The following PEX5L variants were observed in gnomAD, a reference collection of about 807,000 sequenced individuals.
PEX5L encodes the protein PEX5-related protein.
Under a neutral mutation model 84.0 loss-of-function variants are expected in PEX5L, and 30 were observed. That is an observed-to-expected ratio of 0.36 (90% CI 0.27 to 0.48). The LOEUF (loss-of-function observed/expected upper bound fraction) is 0.48. Ranked by LOEUF, PEX5L falls within the 20% of genes least tolerant of loss-of-function variation. The pLI is 0.99. For synonymous variants in PEX5L, 270 were observed against 283.1 expected, an observed-to-expected ratio of 0.95 and a Z score of 0.46; for missense variants, 533 against 754.6, an observed-to-expected ratio of 0.71 and a Z score of 3.44.
chr3:179,829,512 G>A (rs1731821536), intron 8 of PEX5L, among the ~76,000 whole-genome samples: 1 of 152,158 alleles, frequency 6.6e-6, no homozygotes, highest in African/African-American at 2.4e-5. Flanking sequence ...ACCTTAAAAT[G>A]GGAGTAACAC....
chr3:179,960,964 A>T (rs898463680), intron 2 of PEX5L, among the ~76,000 whole-genome samples: 2 of 152,214 alleles, frequency 1.3e-5, no homozygotes, highest in Non-Finnish European at 2.9e-5. Context: ...CTACAACAAA[A>T]TTAGTTAATT....
At chr3:179,847,173 T>C (rs1270109362) in intron 8 of PEX5L, among the ~76,000 whole-genome samples, 1 of 151,710 alleles carries the variant, frequency 6.6e-6, no homozygotes, top group Non-Finnish European at 1.5e-5. Flanking sequence ...ATTGGTGATA[T>C]AGTGTGATAT....
chr3:179,862,681 A>C (rs960867494), intron 7 of PEX5L, among the ~76,000 whole-genome samples: 34 of 152,358 alleles, frequency 2.2e-4, no homozygotes, highest in African/African-American at 7.9e-4. Flanking sequence ...TTTCTGAGAA[A>C]CTGAAGAAAA....
At chr3:180,035,152 C>G (rs1791788337) in intron 1 of PEX5L, among the ~76,000 whole-genome samples, 1 of 151,986 alleles carries the variant, frequency 6.6e-6, no homozygotes, top group Admixed American at 6.6e-5. Context: ...CTGTTTTACC[C>G]TTGTGAAGAA....
chr3:179,941,642 T>C (rs1168531391), intron 2 of PEX5L, among the ~76,000 whole-genome samples: 2 of 152,134 alleles, frequency 1.3e-5, no homozygotes, highest in African/African-American at 4.8e-5. Context: ...CCCACAACAT[T>C]GATTAACCTG....
At chr3:179,818,816 T>C (rs955037055) in intron 9 of PEX5L, among the ~76,000 whole-genome samples, 1 of 151,930 alleles carries the variant, frequency 6.6e-6, no homozygotes, top group South Asian at 2.1e-4. Context: ...TGGTACTCCA[T>C]TGTATATATG....
At chr3:179,884,336 G>A (rs1434360869) in intron 4 of PEX5L, among the ~76,000 whole-genome samples, 2 of 152,184 alleles carry the variant, frequency 1.3e-5, no homozygotes, top group Non-Finnish European at 2.9e-5. Context: ...CTTATAAAGT[G>A]CAGTTAGGGG....
At chr3:179,939,994 A>G (rs1775625056) in intron 2 of PEX5L, among the ~76,000 whole-genome samples, 1 of 152,248 alleles carries the variant, frequency 6.6e-6, no homozygotes, top group Non-Finnish European at 1.5e-5. Flanking sequence ...AGCACATCCT[A>G]GAAATGCTGA....
At chr3:179,833,206 G>A (rs887062703) in intron 8 of PEX5L, among the ~76,000 whole-genome samples, 2 of 152,152 alleles carry the variant, frequency 1.3e-5, no homozygotes, top group African/African-American at 4.8e-5. Flanking sequence ...GAATCTAAGA[G>A]GTTTTCTGAG....
At chr3:179,908,849 T>A (rs1188462258) in intron 2 of PEX5L, among the ~76,000 whole-genome samples, 1 of 152,230 alleles carries the variant, frequency 6.6e-6, no homozygotes, top group African/African-American at 2.4e-5. Flanking sequence ...GTGCCACATT[T>A]TCTTTATCCA....
chr3:180,017,661 C>A (rs1213471111), intron 1 of PEX5L, among the ~76,000 whole-genome samples: 1 of 151,784 alleles, frequency 6.6e-6, no homozygotes, highest in Admixed American at 6.6e-5. Context: ...TTATTTATTT[C>A]TTTATTTTAT....
chr3:179,815,135 C>A (rs1725539307), intron 10 of PEX5L, among the ~76,000 whole-genome samples: 1 of 152,206 alleles, frequency 6.6e-6, no homozygotes, highest in Non-Finnish European at 1.5e-5. Context: ...GTTTTCTCAG[C>A]TTTTAATAGT....
At position 180,009,938 on chromosome 3, in the gene PEX5L, TTTTA is replaced by T. The variant is rs368519760; in HGVS notation, c.21+26637_21+26640del. ...GAAACATTTGGTAGTGTGTAAAGACTTTTATTTATTTATTTATTTATTTGAGACA... is the reference window on the plus strand; with the variant it reads ...GAAACATTTGGTAGTGTGTAAAGACTTTTATTTATTTATTTATTTGAGACA... On this transcript the variant is annotated intron_variant, in intron 1 of 14. Coordinates refer to ENST00000467460, the MANE Select transcript of PEX5L (RefSeq NM_016559.3). Among the ~76,000 whole-genome samples the T allele has an allele frequency of 4.2e-3, 644 of 152,070 alleles. 10 individuals carry two copies. The highest frequency in any genetic ancestry group is 0.015 in the African/African-American group (614 of 41,474).
At chr3:179,848,413 T>G (rs1740463680) in intron 8 of PEX5L, among the ~76,000 whole-genome samples, 1 of 151,784 alleles carries the variant, frequency 6.6e-6, no homozygotes, top group African/African-American at 2.4e-5. Context: ...TAGCCAGGCA[T>G]GGTGGTACAT....
At chr3:179,992,900 A>G (rs1787515925) in intron 1 of PEX5L, among the ~76,000 whole-genome samples, 1 of 151,998 alleles carries the variant, frequency 6.6e-6, no homozygotes, top group Non-Finnish European at 1.5e-5. Context: ...GTATGTATGT[A>G]TGTATGTACA....
chr3:179,906,186 CTTTT>C (rs1354996695), intron 2 of PEX5L, among the ~76,000 whole-genome samples: 1 of 152,128 alleles, frequency 6.6e-6, no homozygotes, highest in Non-Finnish European at 1.5e-5. Flanking sequence ...TTTGTTTGTT[CTTTT>C]GAGAGGATTA....
At chr3:179,857,364 G>T (rs1347232734) in intron 8 of PEX5L, among the ~76,000 whole-genome samples, 3 of 152,186 alleles carry the variant, frequency 2.0e-5, no homozygotes, top group Non-Finnish European at 1.5e-5. Context: ...GCATAAGAAA[G>T]AACTTTTTGA....
chr3:179,973,082 C>T (rs767362283), intron 1 of PEX5L: 1 of 781,802 alleles, frequency 1.3e-6, no homozygotes, highest in African/African-American at 1.9e-5. Context: ...TCACTGGTTG[C>T]CATAAGATTT....
intron 3 of PEX5L, among the ~76,000 whole-genome samples, chr3:179,895,022 G>T (rs1758782143): frequency 6.6e-6 from 1 of 151,914 alleles, no homozygotes; most frequent in African/African-American, 2.4e-5. Context: ...TTCTCAAATT[G>T]AATTTGTTTA....
Sources: allele counts gnomAD v4.1 joint callset (sites outside exome capture counted in the v4.1 genomes callset), GRCh38; gene constraint gnomAD v4.1.1; transcripts MANE v1.5; gene names NCBI Gene and HGNC (gene_info 2026-07-23, HGNC 2026-07-21).